The following YME1L1 variants were observed in gnomAD, a reference collection of about 807,000 sequenced individuals.
YME1L1 encodes the protein YME1 like 1 ATPase, also known as ATP-dependent zinc metalloprotease YME1L1.
In YME1L1, 39 loss-of-function variants were observed where a neutral mutation model predicts 90.4. The ratio of observed to expected loss-of-function variants is 0.43; its 90% CI spans 0.33 to 0.56. The LOEUF (loss-of-function observed/expected upper bound fraction) is 0.56, where lower values mean the gene tolerates loss of function less well. Ranked by LOEUF, YME1L1 falls within the 20% of genes least tolerant of loss-of-function variation. The probability of loss-of-function intolerance (pLI) is 0.03; values close to 1 mark genes in which losing one functional copy is unlikely to be tolerated. For synonymous variants in YME1L1, 284 were observed against 287.3 expected (o/e 0.99, Z 0.12); for missense variants, 617 against 868.4 (o/e 0.71, Z 3.64).
At chr10:27,131,104 G>T (rs1034521886) in intron 8 of YME1L1, among the ~76,000 whole-genome samples, 3 of 152,156 alleles carry the variant, frequency 2.0e-5, no homozygotes, top group African/African-American at 7.2e-5. Context: ...TTCTCCTTCA[G>T]ATTTTATCTC....
intron 8 of YME1L1, among the ~76,000 whole-genome samples, chr10:27,130,091 T>A (rs2056961743): frequency 6.6e-6 from 1 of 152,240 alleles, no homozygotes. Flanking sequence ...TAACCCCTGC[T>A]ACTCCACTAA....
chr10:27,151,652 C>T (rs899173367), intron 1 of YME1L1, among the ~76,000 whole-genome samples: 3 of 152,076 alleles, frequency 2.0e-5, no homozygotes, highest in East Asian at 1.9e-4. Flanking sequence ...GAGGCCGAGG[C>T]GGACGGATCA....
Position 27,116,371 on chromosome 10 carries a change from A to G in YME1L1, c.1720-26T>C, listed in dbSNP as rs988900133. The stretch of plus-strand genomic sequence containing the variant: ...CTAGACAATTAAAAATTAATCAGAT[A>G]AAAAATAAGCAAAGAGGCTGGGTGC... On this transcript the variant is annotated intron_variant, in intron 15 of 18. Transcript: ENST00000376016. The G allele has an allele frequency of 8.7e-6, 14 of 1,611,146 alleles. No individual in the cohort carries two copies. The East Asian group carries it at 2.9e-4, about 33-fold the overall frequency.
intron 18 of YME1L1, among the ~76,000 whole-genome samples, chr10:27,114,254 C>T (rs2056789376): frequency 6.6e-6 from 1 of 152,122 alleles, no homozygotes; most frequent in East Asian, 1.9e-4. Flanking sequence ...TGAATTTTTA[C>T]AACCATGCAA....
At chr10:27,141,257 C>A (rs754205568) in intron 4 of YME1L1, among the ~76,000 whole-genome samples, 12 of 151,928 alleles carry the variant, frequency 7.9e-5, no homozygotes, top group Non-Finnish European at 1.6e-4. Context: ...TTAGCTGGGC[C>A]TGGTGGTGGG....
chr10:27,149,597 G>C (rs192198915), intron 1 of YME1L1, among the ~76,000 whole-genome samples: 64 of 151,182 alleles, frequency 4.2e-4, no homozygotes, highest in African/African-American at 1.4e-3. Context: ...TGTAGTCTCA[G>C]CTACTTGGGA....
At chr10:27,131,963 T>G in intron 7 of YME1L1, 22 bp from the exon 8 acceptor site, 1 of 1,581,438 alleles carries the variant, frequency 6.3e-7, no homozygotes, top group Admixed American at 1.8e-5. Context: ...AAAAGAAATG[T>G]TTATATTTGA....
intron 17 of YME1L1, among the ~76,000 whole-genome samples, chr10:27,115,004 GTGA>G (rs1162865590): frequency 6.6e-6 from 1 of 152,084 alleles, no homozygotes; most frequent in Non-Finnish European, 1.5e-5. Flanking sequence ...TCCAGCCTAG[GTGA>G]CAGAGCGAGA....
At chr10:27,139,824 A>C (rs2057067401) in intron 4 of YME1L1, among the ~76,000 whole-genome samples, 1 of 152,140 alleles carries the variant, frequency 6.6e-6, no homozygotes, top group African/African-American at 2.4e-5. Flanking sequence ...TACTTCTAAT[A>C]CTGTCTGTAT....
chr10:27,114,530 G>C lies in YME1L1; in HGVS notation c.1998C>G (p.Ile666Met), dbSNP rs772665346. ...CAAAAAATATTATTACCCTTAGAAG[G>C]ATTCTTATTTCTTGTTCGATGGCAG... ...TQSAIEQEIR[I>M]LLRDSYERAK... The change falls in exon 18 of 19, where the codon ATC becomes ATG. Residue 666 changes from isoleucine to methionine, a missense_variant. Around this residue, in one of 4 missense-constraint regions of YME1L1, gnomAD observed 212 missense variants for 330.0 expected, o/e 0.64. Transcript: ENST00000376016. 59 of 1,612,378 alleles carry C rather than the reference G, an allele frequency of 3.7e-5. No homozygotes were observed. The highest frequency in any genetic ancestry group is 4.6e-5 in the Non-Finnish European group (54 of 1,179,070).
rs532864432 is a variant in YME1L1, at chr10:27,131,744, A to G, written c.858+115T>C. 4.5e-5 allele frequency: 32 copies of G among 715,406 alleles called. No individual in the cohort carries two copies. In the African/African-American group the frequency reaches 5.8e-4, roughly 13 times the overall value. The allele number at this position is 715,406 out of a possible 1,614,324, so 44.3% of individuals were successfully genotyped here. ...ATCCCAAAATACTAATGTTTCTAAT[A>G]CTTTTGGACACAATTTTACCTATTC... is the stretch of plus-strand genomic sequence containing the variant. On this transcript the variant is annotated intron_variant, in intron 8 of 18. Coordinates refer to ENST00000376016, the MANE Select transcript of YME1L1 (RefSeq NM_014263.4).
Position 27,121,456 on chromosome 10 carries a change from G to C in YME1L1, c.1236-8C>G. 6.4e-7 allele frequency: 1 copy of C among 1,569,452 alleles called. No homozygotes were observed. Among genetic ancestry groups the C allele is most frequent in the Non-Finnish European group, 8.8e-7 (1 of 1,141,088 alleles). On this transcript the variant is annotated splice_region_variant and splice_polypyrimidine_tract_variant and intron_variant, in intron 11 of 18. Transcript: ENST00000376016. ...CCTTCATTGGGTTTAAAACTATATT[G>C]GAAAAAAAATAGTATCTTTTACTAA... is the stretch of plus-strand genomic sequence containing the variant.
chr10:27,143,752 A>C (rs1362458325), intron 3 of YME1L1, among the ~76,000 whole-genome samples: 1 of 151,374 alleles, frequency 6.6e-6, no homozygotes, highest in Non-Finnish European at 1.5e-5. Context: ...ACTTTTAGTT[A>C]AGAACATAAA....
Position 27,114,942 on chromosome 10 carries a change from G to A in YME1L1, c.1921-335C>T, listed in dbSNP as rs762031478. On this transcript the variant is annotated intron_variant, in intron 17 of 18. Transcript: ENST00000376016. ...CTCAGGAGGCTGAGGCAGGAGAATCGCTTGAACCCAGGAGGCGGTGGTTGC... is the reference window on the plus strand; with the variant it reads ...CTCAGGAGGCTGAGGCAGGAGAATCACTTGAACCCAGGAGGCGGTGGTTGC... Among the ~76,000 whole-genome samples, 18 of 152,160 alleles carry A rather than the reference G, an allele frequency of 1.2e-4. No individual in the cohort carries two copies. The East Asian group carries it at 1.5e-3, about 13-fold the overall frequency.
intron 2 of YME1L1, 172 bp from the exon 3 acceptor site, chr10:27,145,762 A>C: frequency 1.8e-6 from 1 of 547,308 alleles, no homozygotes; most frequent in Non-Finnish European, 2.9e-6. Context: ...CGTTTTACTG[A>C]GATCAGTCAT....
intron 2 of YME1L1, among the ~76,000 whole-genome samples, chr10:27,148,586 G>A (rs764682101): frequency 6.6e-6 from 1 of 151,938 alleles, no homozygotes. Context: ...CTTTATGATG[G>A]TCCACTTCTA....
intron 9 of YME1L1, among the ~76,000 whole-genome samples, chr10:27,124,685 T>C (rs756955006): frequency 7.4e-4 from 113 of 152,282 alleles, no homozygotes; most frequent in Middle Eastern, 6.8e-3. Context: ...TACTCAAATT[T>C]TCTACAAATT....
intron 12 of YME1L1, 127 bp downstream of exon 12, chr10:27,121,259 G>T: frequency 1.5e-6 from 1 of 670,616 alleles, no homozygotes; most frequent in Non-Finnish European, 2.7e-6. Flanking sequence ...CTGTGAATTT[G>T]CTTATTCTGG....
At chr10:27,143,461 A>C (rs1316962172) in intron 3 of YME1L1, among the ~76,000 whole-genome samples, 2 of 152,088 alleles carry the variant, frequency 1.3e-5, no homozygotes, top group African/African-American at 4.8e-5. Context: ...GCACTTTGGG[A>C]GGCTGAGGCG....
Sources: gnomAD v4.1 joint callset for allele counts (sites outside exome capture counted in the v4.1 genomes callset) on GRCh38, gnomAD v4.1.1 for gene constraint, gnomAD v4.1.1 regional missense constraint, MANE v1.5 for transcripts, NCBI Gene and HGNC (gene_info 2026-07-23, HGNC 2026-07-21) for gene names.